ILRUN: variants seen among roughly 807,000 people sequenced by gnomAD.
ILRUN encodes inflammation and lipid regulator with UBA-like and NBR1-like domains, also known as protein ILRUN.
A neutral mutation model predicts 33.8 loss-of-function variants in ILRUN; 3 were observed. That is an observed-to-expected ratio of 0.09 (90% CI 0.04 to 0.23). ILRUN has a LOEUF of 0.23. Among genes scored for constraint, ILRUN ranks in the 10% least tolerant of loss-of-function variants. The pLI, the probability that ILRUN is intolerant of heterozygous loss-of-function variation, is 1.00. For missense variants in ILRUN, 210 were observed against 375.1 expected, an observed-to-expected ratio of 0.56 and a Z score of 3.64; for synonymous variants, 124 against 138.9, an observed-to-expected ratio of 0.89 and a Z score of 0.75.
At chr6:34,693,630 G>GT (rs1269742761) in intron 1 of ILRUN, among the ~76,000 whole-genome samples, 1 of 150,114 alleles carries the variant, frequency 6.7e-6, no homozygotes, top group Non-Finnish European at 1.5e-5. Flanking sequence ...TTGAGCATAA[G>GT]TTTTTTATAT....
At chr6:34,675,242 C>G (rs544335511) in intron 1 of ILRUN, among the ~76,000 whole-genome samples, 4 of 152,138 alleles carry the variant, frequency 2.6e-5, no homozygotes, top group African/African-American at 9.6e-5. Context: ...GATGGCGCCA[C>G]TGCACTCCAG....
At chr6:34,670,440 A>T (rs1763093965) in intron 1 of ILRUN, among the ~76,000 whole-genome samples, 1 of 152,238 alleles carries the variant, frequency 6.6e-6, no homozygotes, top group Admixed American at 6.5e-5. Context: ...AAAGGTACTT[A>T]AAAGATAAAG....
chr6:34,638,196 G>A lies in ILRUN; in HGVS notation c.511+8405C>T, dbSNP rs371779358. Among the ~76,000 whole-genome samples the A allele has an allele frequency of 9.0e-4, 136 of 151,778 alleles. 1 individual carries two copies. Among genetic ancestry groups the A allele is most frequent in the African/African-American group, 2.8e-3 (118 of 41,430 alleles). ...AGCCACCATGCCGGGCCTTCATACC[G>A]ACTTTGACTCACACAGAACTATCTG... On this transcript the variant is annotated intron_variant, in intron 3 of 4. Transcript: ENST00000374023.
intron 1 of ILRUN, among the ~76,000 whole-genome samples, chr6:34,683,473 C>CATAT (rs1174245644): frequency 2.6e-4 from 25 of 97,816 alleles, no homozygotes; most frequent in African/African-American, 1.2e-3. Flanking sequence ...CATATATATA[C>CATAT]ACATATATAT....
chr6:34,654,430 C>T (rs1286103559), intron 2 of ILRUN, among the ~76,000 whole-genome samples, 195 bp downstream of exon 2: 1 of 152,202 alleles, frequency 6.6e-6, no homozygotes, highest in East Asian at 1.9e-4. Flanking sequence ...GACATAAATT[C>T]TTCTTCCTAC....
chr6:34,659,942 A>G (rs1410775831), intron 1 of ILRUN, among the ~76,000 whole-genome samples: 1 of 152,078 alleles, frequency 6.6e-6, no homozygotes, highest in Non-Finnish European at 1.5e-5. Flanking sequence ...CTTAGGAAGA[A>G]AAATCATCTA....
intron 4 of ILRUN, among the ~76,000 whole-genome samples, chr6:34,602,808 G>A (rs942358765): frequency 1.3e-5 from 2 of 152,162 alleles, no homozygotes; most frequent in East Asian, 3.9e-4. Flanking sequence ...CCCACAGGGA[G>A]AAGCCCCTTT....
chr6:34,632,078 T>C (rs1176566561), intron 3 of ILRUN, among the ~76,000 whole-genome samples: 2 of 152,222 alleles, frequency 1.3e-5, no homozygotes, highest in African/African-American at 4.8e-5. Flanking sequence ...CAATACCATA[T>C]TTAAACAACA....
intron 3 of ILRUN, among the ~76,000 whole-genome samples, chr6:34,636,849 C>T (rs936069720): frequency 6.6e-6 from 1 of 152,140 alleles, no homozygotes; most frequent in Non-Finnish European, 1.5e-5. Context: ...ATGGCACTTA[C>T]TAAAAACTCC....
chr6:34,693,670 T>A (rs968945886), intron 1 of ILRUN, among the ~76,000 whole-genome samples: 1 of 145,316 alleles, frequency 6.9e-6, no homozygotes, highest in Non-Finnish European at 1.5e-5. Flanking sequence ...TTATTTTATT[T>A]TATTTTTTTT....
intron 4 of ILRUN, among the ~76,000 whole-genome samples, chr6:34,595,282 A>G (rs1761377469): frequency 6.6e-6 from 1 of 152,252 alleles, no homozygotes; most frequent in Non-Finnish European, 1.5e-5. Context: ...AGTCCTTTCT[A>G]AAATTATACA....
At chr6:34,632,865 A>G (rs1271318365) in intron 3 of ILRUN, among the ~76,000 whole-genome samples, 1 of 152,134 alleles carries the variant, frequency 6.6e-6, no homozygotes, top group Non-Finnish European at 1.5e-5. Flanking sequence ...CAAGTAACCA[A>G]TAAGTTTAGC....
intron 1 of ILRUN, among the ~76,000 whole-genome samples, chr6:34,691,349 A>G (rs1294514357): frequency 6.6e-6 from 1 of 152,228 alleles, no homozygotes; most frequent in Non-Finnish European, 1.5e-5. Flanking sequence ...TACTTTCACC[A>G]TATCATTTAT....
chr6:34,627,860 T>C (rs543721518), intron 3 of ILRUN, among the ~76,000 whole-genome samples: 1 of 152,066 alleles, frequency 6.6e-6, no homozygotes, highest in Admixed American at 6.5e-5. Context: ...TGCACCACCA[T>C]ACCCGGCTAA....
At chr6:34,664,339 T>G (rs754437431) in intron 1 of ILRUN, among the ~76,000 whole-genome samples, 2 of 151,750 alleles carry the variant, frequency 1.3e-5, no homozygotes, top group Non-Finnish European at 2.9e-5. Context: ...AATGGTGGGG[T>G]TTTGCGGGTT....
intron 3 of ILRUN, among the ~76,000 whole-genome samples, chr6:34,634,612 G>C (rs1762317344): frequency 6.6e-6 from 1 of 151,206 alleles, no homozygotes; most frequent in South Asian, 2.1e-4. Flanking sequence ...ATGAAAGAAG[G>C]GATTATCATC....
intron 4 of ILRUN, among the ~76,000 whole-genome samples, chr6:34,597,937 C>A (rs1033462622): frequency 1.3e-5 from 2 of 152,184 alleles, no homozygotes; most frequent in Non-Finnish European, 2.9e-5. Context: ...GGATCAATTT[C>A]TTGATTACTC....
intron 3 of ILRUN, among the ~76,000 whole-genome samples, chr6:34,641,078 C>CAAA (rs752197549): frequency 1.2e-3 from 94 of 77,030 alleles, no homozygotes; most frequent in South Asian, 8.8e-3. Context: ...GACTCCATCT[C>CAAA]AAAAAAAAAA....
At chr6:34,678,544 G>A (rs1192129667) in intron 1 of ILRUN, among the ~76,000 whole-genome samples, 2 of 151,328 alleles carry the variant, frequency 1.3e-5, no homozygotes, top group African/African-American at 2.4e-5. Flanking sequence ...TTTTACAATT[G>A]AGTATAAAAA....
Sources: allele counts gnomAD v4.1 joint callset (sites outside exome capture counted in the v4.1 genomes callset), GRCh38; gene constraint gnomAD v4.1.1; transcripts MANE v1.5; gene names NCBI Gene and HGNC (gene_info 2026-07-23, HGNC 2026-07-21).